Variants in DGKI observed in about 807,000 individuals in gnomAD.
DGKI encodes diacylglycerol kinase iota.
Under a neutral mutation model 147.5 loss-of-function variants are expected in DGKI, and 55 were observed. The ratio of observed to expected loss-of-function variants is 0.37; its 90% confidence interval spans 0.30 to 0.47. DGKI has a LOEUF of 0.47. DGKI is among the 20% of genes least tolerant of loss of function. The pLI is 1.00. For missense variants in DGKI, 1,007 were observed against 1,323.8 expected (o/e 0.76, Z 3.71); for synonymous variants, 469 against 477.1 (o/e 0.98, Z 0.22).
At chr7:137,678,034 G>C (rs1048120121) in intron 3 of DGKI, among the ~76,000 whole-genome samples, 10 of 152,162 alleles carry the variant, frequency 6.6e-5, no homozygotes, top group African/African-American at 2.4e-4. Flanking sequence ...CAATTGACCT[G>C]ACTGTTGATT....
chr7:137,445,388 T>C (rs1813675249), intron 27 of DGKI, among the ~76,000 whole-genome samples: 1 of 152,124 alleles, frequency 6.6e-6, no homozygotes, highest in African/African-American at 2.4e-5. Flanking sequence ...GGAAAGAAAA[T>C]TGGCTTCTGG....
At chr7:137,552,691 C>T (rs1454283463) in intron 19 of DGKI, 123 bp from the exon 20 acceptor site, 5 of 970,784 alleles carry the variant, frequency 5.2e-6, no homozygotes, top group Admixed American at 2.2e-5. Context: ...GGTGGATCAC[C>T]GGTGGTCAGG....
rs758527150 is a variant in DGKI, at chr7:137,619,902, A to T, written c.915T>A (p.Ile305=). 1 of 1,614,036 alleles carries T rather than the reference A, an allele frequency of 6.2e-7. No individual in the cohort carries two copies. ...GAGCCCCCAGGGAGCAGGGTTCTTC[A>T]ATGTGATGCAGCATGAAGCAGGTCA... ...NKVTCFMLHH[I]EEPCSLGAHA... The change falls in exon 8 of 33, where the codon ATT becomes ATA. Residue 305 remains isoleucine (I), a synonymous_variant. Coordinates refer to ENST00000614521, the MANE Select transcript of DGKI (RefSeq NM_001321708.2).
chr7:137,391,364 A>AAG lies in DGKI; in HGVS notation c.3058-30_3058-29dup, dbSNP rs553552916. On this transcript the variant is annotated intron_variant, in intron 32 of 32. Transcript: ENST00000614521. ...ATACGAAAATAGTGAGAAAAAAAAA[A>AAG]AGAGAGAGAGAGATAGACACAAGCG... The AAG allele has an allele frequency of 1.9e-5, 27 of 1,438,494 alleles. No homozygotes were observed. In the East Asian group the frequency reaches 2.9e-4, roughly 15 times the overall value. 89.1% of individuals were successfully genotyped at this position (1,438,494 alleles called of 1,614,324 possible).
chr7:137,615,531 A>ATG (rs5887846), intron 8 of DGKI, among the ~76,000 whole-genome samples: 8,802 of 135,784 alleles, frequency 0.065, 321 homozygotes, highest in Admixed American at 0.14. Flanking sequence ...ATATGTATGT[A>ATG]TGTGTGTGTG....
intron 1 of DGKI, among the ~76,000 whole-genome samples, chr7:137,782,661 C>G (rs1457056327): frequency 1.2e-4 from 18 of 152,178 alleles, no homozygotes; most frequent in Admixed American, 1.2e-3. Flanking sequence ...TTGAAAGCAC[C>G]ACCTCCTGGC....
At chr7:137,406,523 A>T (rs1811953555) in intron 30 of DGKI, among the ~76,000 whole-genome samples, 1 of 152,052 alleles carries the variant, frequency 6.6e-6, no homozygotes, top group Admixed American at 6.6e-5. Context: ...TTTCTACCGT[A>T]TTTCAGACCA....
intron 3 of DGKI, among the ~76,000 whole-genome samples, chr7:137,667,862 G>A (rs1257869417): frequency 2.6e-5 from 4 of 152,116 alleles, no homozygotes; most frequent in South Asian, 2.1e-4. Context: ...ATACACACCC[G>A]CCCATTTCAT....
chr7:137,718,323 G>T (rs766289828), intron 1 of DGKI, among the ~76,000 whole-genome samples: 10 of 152,182 alleles, frequency 6.6e-5, no homozygotes, highest in African/African-American at 1.9e-4. Flanking sequence ...GTCCCAAATT[G>T]TAAGTAAATA....
chr7:137,690,162 G>A (rs896171672), intron 1 of DGKI, among the ~76,000 whole-genome samples, 160 bp from the exon 2 acceptor site: 1 of 152,162 alleles, frequency 6.6e-6, no homozygotes, highest in African/African-American at 2.4e-5. Flanking sequence ...TCTCTAAAGT[G>A]CATGGTGTCC....
At chr7:137,620,053 A>ACACACACACT in intron 7 of DGKI, 113 bp from the exon 8 acceptor site, 1 of 725,922 alleles carries the variant, frequency 1.4e-6, no homozygotes, top group Non-Finnish European at 2.4e-6. Flanking sequence ...ACACACACAC[A>ACACACACACT]CTCATTACAT....
chr7:137,425,315 C>T (rs1812752533), intron 28 of DGKI, among the ~76,000 whole-genome samples: 1 of 152,218 alleles, frequency 6.6e-6, no homozygotes, highest in Non-Finnish European at 1.5e-5. Context: ...CTAGCAAACT[C>T]CAACAGACCT....
At chr7:137,434,820 G>GTTTGT (rs1007657908) in intron 28 of DGKI, among the ~76,000 whole-genome samples, 3 of 152,096 alleles carry the variant, frequency 2.0e-5, no homozygotes, top group East Asian at 1.9e-4. Context: ...GCCCAGGGGG[G>GTTTGT]TTTGTTTTGT....
intron 1 of DGKI, among the ~76,000 whole-genome samples, chr7:137,789,956 T>C (rs1459786785): frequency 1.3e-5 from 2 of 152,222 alleles, no homozygotes; most frequent in Non-Finnish European, 1.5e-5. Context: ...AATTCTCTAG[T>C]TGATATGTTA....
chr7:137,747,597 C>T (rs1418480571), intron 1 of DGKI, among the ~76,000 whole-genome samples: 2 of 152,278 alleles, frequency 1.3e-5, no homozygotes, highest in African/African-American at 2.4e-5. Flanking sequence ...ATACTCAGGC[C>T]GGCTCCCACA....
intron 2 of DGKI, among the ~76,000 whole-genome samples, chr7:137,686,459 T>C (rs1823420362): frequency 6.6e-6 from 1 of 152,170 alleles, no homozygotes; most frequent in South Asian, 2.1e-4. Context: ...TAAATATCTA[T>C]TGCCGAAAAA....
intron 1 of DGKI, among the ~76,000 whole-genome samples, chr7:137,691,807 T>TTTTTTTTTTTTTTTTTG (rs1823618799): frequency 7.5e-6 from 1 of 132,700 alleles, no homozygotes; most frequent in Non-Finnish European, 1.5e-5. Flanking sequence ...GGTTTTTTTT[T>TTTTTTTTTTTTTTTTTG]TTTTTTTTTT....
At chr7:137,668,189 T>C (rs1206296997) in intron 3 of DGKI, among the ~76,000 whole-genome samples, 2 of 152,236 alleles carry the variant, frequency 1.3e-5, no homozygotes, top group African/African-American at 2.4e-5. Flanking sequence ...GATTGCTTCA[T>C]ATGATCTGTT....
chr7:137,828,448 T>C (rs566917326), intron 1 of DGKI, among the ~76,000 whole-genome samples: 1 of 152,318 alleles, frequency 6.6e-6, no homozygotes, highest in East Asian at 1.9e-4. Context: ...AAGTACTTTT[T>C]CCCAGCTTTC....
Sources: gnomAD v4.1 joint callset for allele counts (sites outside exome capture counted in the v4.1 genomes callset) on GRCh38, gnomAD v4.1.1 for gene constraint, MANE v1.5 for transcripts, NCBI Gene and HGNC (gene_info 2026-07-23, HGNC 2026-07-21) for gene names.